The following NUMB variants were observed in gnomAD, a reference collection of about 807,000 sequenced individuals.
NUMB encodes NUMB endocytic adaptor protein.
Under a neutral mutation model 59.7 loss-of-function variants are expected in NUMB, and 29 were observed. The observed-to-expected ratio is 0.49, with a 90% CI of 0.36 to 0.66. NUMB has a LOEUF of 0.66. Ranked by LOEUF, NUMB falls within the 30% of genes least tolerant of loss-of-function variation. NUMB has a pLI of 0.00. For missense variants in NUMB, 723 were observed against 822.0 expected (o/e 0.88, Z 1.47); for synonymous variants, 288 against 288.2 (o/e 1.00, Z 0.01).
At chr14:73,395,739 T>C (rs1896098204) in intron 2 of NUMB, among the ~76,000 whole-genome samples, 1 of 152,202 alleles carries the variant, frequency 6.6e-6, no homozygotes, top group Admixed American at 6.5e-5. Flanking sequence ...GGATTAAAAG[T>C]AGGTATTCAT....
rs181788313 is a variant in NUMB at position 73,353,371 on chromosome 14, G to T, written c.126+2255C>A. Among the ~76,000 whole-genome samples, 700 of 150,816 alleles carry T rather than the reference G, an allele frequency of 4.6e-3. 7 individuals carry two copies. The highest frequency in any genetic ancestry group is 0.016 in the African/African-American group (654 of 41,040). The stretch of plus-strand genomic sequence containing the variant: ...CAAAGTGCTGGGATTACAGGTGTCA[G>T]CCACTGTGCCTGGCCTGTCACAGTT... On this transcript the variant is annotated intron_variant, in intron 4 of 12. Transcript: ENST00000555238.
At chr14:73,334,154 C>G (rs1413738793) in intron 4 of NUMB, among the ~76,000 whole-genome samples, 1 of 151,992 alleles carries the variant, frequency 6.6e-6, no homozygotes, top group Non-Finnish European at 1.5e-5. Flanking sequence ...CAGGTTCAGG[C>G]GATTCTCCTG....
At chr14:73,286,599 AAAG>A (rs2139815628) in intron 9 of NUMB, 2 of 159,494 alleles carry the variant, frequency 1.3e-5, no homozygotes, top group South Asian at 1.7e-4. Flanking sequence ...CTATAGAAAA[AAAG>A]AGTTATAGGC....
At chr14:73,352,456 AC>A (rs1893370690) in intron 4 of NUMB, among the ~76,000 whole-genome samples, 1 of 22,922 alleles carries the variant, frequency 4.4e-5, no homozygotes, top group African/African-American at 2.4e-4. Flanking sequence ...ACACACACAC[AC>A]ATACACACAC....
intron 7 of NUMB, among the ~76,000 whole-genome samples, chr14:73,294,553 C>T (rs1263009704): frequency 1.3e-5 from 2 of 151,828 alleles, no homozygotes; most frequent in African/African-American, 2.4e-5. Flanking sequence ...CTTGCTCTGT[C>T]GCCCAGGCTG....
At chr14:73,365,865 T>C (rs4903110) in intron 3 of NUMB, among the ~76,000 whole-genome samples, 36,476 of 152,170 alleles carry the variant, frequency 0.24, 4,430 homozygotes, top group Non-Finnish European at 0.25. Flanking sequence ...GAGAAAAGAA[T>C]ACATGATCAG....
chr14:73,359,125 T>C (rs996025307), intron 3 of NUMB, among the ~76,000 whole-genome samples: 3 of 152,238 alleles, frequency 2.0e-5, no homozygotes, highest in African/African-American at 7.2e-5. Flanking sequence ...TCTAAGTATC[T>C]TGTCACTTTC....
chr14:73,348,954 A>G (rs941262033), intron 4 of NUMB, among the ~76,000 whole-genome samples: 1 of 152,242 alleles, frequency 6.6e-6, no homozygotes, highest in Admixed American at 6.5e-5. Context: ...AATAGGATAT[A>G]TGCTCACAAG....
intron 11 of NUMB, among the ~76,000 whole-genome samples, chr14:73,281,050 A>G (rs1023465080): frequency 2.7e-5 from 4 of 149,986 alleles, no homozygotes; most frequent in Non-Finnish European, 4.4e-5. Flanking sequence ...TTTGGTGGCA[A>G]AAAAATTTTT....
intron 4 of NUMB, among the ~76,000 whole-genome samples, chr14:73,341,985 C>T (rs1010123845): frequency 6.6e-6 from 1 of 152,084 alleles, no homozygotes; most frequent in South Asian, 2.1e-4. Flanking sequence ...GAAAATAAGT[C>T]CTTAAGAGTT....
intron 8 of NUMB, 58 bp from the exon 9 acceptor site, chr14:73,287,372 A>C: frequency 7.3e-7 from 1 of 1,378,752 alleles, no homozygotes; most frequent in Non-Finnish European, 9.9e-7. Flanking sequence ...TTACATACAA[A>C]TAAGTCTTTT....
rs570605895 is a variant in NUMB, at chr14:73,417,614, T to C, written c.-232-7546A>G. On this transcript the variant is annotated intron_variant, in intron 1 of 12. Coordinates refer to ENST00000555238, the MANE Select transcript of NUMB (RefSeq NM_001005743.2). ...CTATAATGTAAAAAAACAAAATCAG[T>C]AAAGCATATGGTGGTTACTCAAATT... Among the ~76,000 whole-genome samples, 6 of 151,482 alleles carry C rather than the reference T, an allele frequency of 4.0e-5. No homozygotes were observed. In the East Asian group the frequency reaches 1.2e-3, roughly 29 times the overall value.
At chr14:73,450,656 G>A (rs113774696) in intron 1 of NUMB, among the ~76,000 whole-genome samples, 154 of 152,124 alleles carry the variant, frequency 1.0e-3, no homozygotes, top group African/African-American at 3.4e-3. Context: ...TTAGCCGGGC[G>A]TGGTGGCACA....
rs1376598543 is a variant in NUMB, at chr14:73,352,529, T to G, written c.126+3097A>C. ...ATATATATATATATATATATATATA[T>G]GTTTTTTTTTTTTTTTTTTTTTTGA... On this transcript the variant is annotated intron_variant, in intron 4 of 12. Coordinates refer to ENST00000555238, the MANE Select transcript of NUMB (RefSeq NM_001005743.2). 1.3e-3 allele frequency among the ~76,000 whole-genome samples: 29 copies of G among 21,776 alleles called. 1 individual carries two copies. Among genetic ancestry groups the G allele is most frequent in the East Asian group, 9.3e-3 (3 of 324 alleles). 14.3% of individuals were successfully genotyped at this position (21,776 alleles called of 152,430 possible).
At chr14:73,456,037 T>C (rs1270936553) in intron 1 of NUMB, among the ~76,000 whole-genome samples, 3 of 151,776 alleles carry the variant, frequency 2.0e-5, no homozygotes, top group Non-Finnish European at 4.4e-5. Context: ...ACACAATATG[T>C]GACAAGACAA....
At chr14:73,330,679 G>A (rs562412482) in intron 4 of NUMB, among the ~76,000 whole-genome samples, 2 of 152,284 alleles carry the variant, frequency 1.3e-5, no homozygotes, top group Non-Finnish European at 2.9e-5. Context: ...TACTATATAT[G>A]TCTTCGCTTT....
rs750182251 is a variant in NUMB at position 73,355,633 on chromosome 14, G to A, written c.119C>T (p.Pro40Leu). 1.4e-5 allele frequency: 23 copies of A among 1,612,626 alleles called. No homozygotes were observed. The highest frequency in any genetic ancestry group is 1.7e-4 in the Middle Eastern group (1 of 6,056). Residue 40 changes from proline to leucine, a missense_variant, in exon 4 of 13, where the codon CCG becomes CTG. Around this residue, in one of 2 missense-constraint regions of NUMB, gnomAD observed 317 missense variants for 436.6 expected, o/e 0.73. Coordinates refer to ENST00000555238, the MANE Select transcript of NUMB (RefSeq NM_001005743.2). ...EGVRTGKCSFPVKYLGHVEVD... is the reference protein window; with the variant it reads ...EGVRTGKCSFLVKYLGHVEVD... ...AGAAACATCAGCTCTTACCTTAACC[G>A]GGAAGCTACATTTTCCGGTGCGAAC...
intron 12 of NUMB, among the ~76,000 whole-genome samples, chr14:73,278,064 A>AC (rs1450729900): frequency 1.3e-5 from 2 of 151,308 alleles, no homozygotes; most frequent in Admixed American, 6.6e-5. Flanking sequence ...AAAAAAAAAA[A>AC]AAAACACCTA....
chr14:73,433,966 G>A (rs890974836), intron 1 of NUMB, among the ~76,000 whole-genome samples: 1 of 152,074 alleles, frequency 6.6e-6, no homozygotes, highest in East Asian at 1.9e-4. Context: ...GGTGGTGCAC[G>A]CCTGTAATCC....
Sources: allele counts gnomAD v4.1 joint callset (sites outside exome capture counted in the v4.1 genomes callset), GRCh38; gene constraint gnomAD v4.1.1; regional missense constraint gnomAD v4.1.1; transcripts MANE v1.5; gene names NCBI Gene and HGNC (gene_info 2026-07-23, HGNC 2026-07-21).